The following PSMD5 variants were observed in gnomAD, a reference collection of about 807,000 sequenced individuals.
The protein encoded by PSMD5 is proteasome 26S subunit, non-ATPase 5.
PSMD5 carries 40 observed loss-of-function variants against 52.1 expected under a neutral mutation model. The observed-to-expected ratio is 0.77, with a 90% CI of 0.60 to 1.00. The LOEUF (loss-of-function observed/expected upper bound fraction) is 1.00. Among genes scored for constraint, PSMD5 ranks in the 50% least tolerant of loss-of-function variants. PSMD5 has a pLI of 0.00. For synonymous variants in PSMD5, 211 were observed against 226.6 expected, an observed-to-expected ratio of 0.93 and a Z score of 0.62; for missense variants, 575 against 605.2, an observed-to-expected ratio of 0.95 and a Z score of 0.52.
At chr9:120,833,194 G>C (rs531964919) in intron 2 of PSMD5, 118 bp downstream of exon 2, 38 of 1,188,776 alleles carry the variant, frequency 3.2e-5, no homozygotes, top group African/African-American at 1.1e-4. Flanking sequence ...CAGAGGAGAG[G>C]GGGAGAAGGA....
At chr9:120,818,314 T>C (rs1411266643) in intron 9 of PSMD5, 151 bp from the exon 10 acceptor site, 2 of 787,866 alleles carry the variant, frequency 2.5e-6, no homozygotes, top group African/African-American at 3.5e-5. Flanking sequence ...TCTAACTTAA[T>C]AAAATAATCT....
intron 6 of PSMD5, 26 bp from the exon 7 acceptor site, chr9:120,824,711 T>C (rs1588067701): frequency 6.4e-7 from 1 of 1,558,248 alleles, no homozygotes; most frequent in East Asian, 2.2e-5. Flanking sequence ...AAAATATATT[T>C]TAATAGGGGA....
chr9:120,830,759 G>T (rs1348472895), intron 4 of PSMD5, among the ~76,000 whole-genome samples: 3 of 152,140 alleles, frequency 2.0e-5, no homozygotes, highest in Non-Finnish European at 1.5e-5. Flanking sequence ...GATAATATAT[G>T]TGAGTATTTT....
At chr9:120,834,663 A>C (rs1325185630) in intron 1 of PSMD5, among the ~76,000 whole-genome samples, 3 of 152,246 alleles carry the variant, frequency 2.0e-5, no homozygotes, top group Admixed American at 6.5e-5. Context: ...CACAGAAGCC[A>C]GATTCTAACA....
At chr9:120,832,761 T>C (rs2045170368) in intron 2 of PSMD5, among the ~76,000 whole-genome samples, 1 of 152,238 alleles carries the variant, frequency 6.6e-6, no homozygotes, top group African/African-American at 2.4e-5. Context: ...AGTAACTGTT[T>C]AGCTCCTAAC....
intron 1 of PSMD5, among the ~76,000 whole-genome samples, chr9:120,837,536 A>G (rs764637780): frequency 2.6e-5 from 4 of 152,188 alleles, no homozygotes; most frequent in Non-Finnish European, 4.4e-5. Flanking sequence ...GTGTCATATT[A>G]AAGAAGTCTG....
chr9:120,837,927 T>C (rs2045209161), intron 1 of PSMD5, among the ~76,000 whole-genome samples: 1 of 152,158 alleles, frequency 6.6e-6, no homozygotes, highest in Non-Finnish European at 1.5e-5. Flanking sequence ...CACTCAACAA[T>C]AAAAAGGAAT....
chr9:120,823,656 T>G (rs545426826), intron 7 of PSMD5, among the ~76,000 whole-genome samples: 64 of 151,966 alleles, frequency 4.2e-4, no homozygotes, highest in African/African-American at 1.4e-3. Flanking sequence ...GGACTACAGT[T>G]GTGCAGTACC....
At position 120,816,332 on chromosome 9, in the gene PSMD5, T is replaced by C. The variant is rs1372280860; in HGVS notation, c.*1574A>G. 6.6e-6 allele frequency: 1 copy of C among 152,214 alleles called. No individual in the cohort carries two copies. The highest frequency in any genetic ancestry group is 1.5e-5 in the Non-Finnish European group (1 of 68,046). The allele number at this position is 152,214 out of a possible 1,614,324, so 9.4% of individuals were successfully genotyped here. Reference sequence around the variant, plus strand: ...GTACAACTTATGAACATATGTAATATACTGAACTGTACACTTAAAATAGTT... The same window carrying C: ...GTACAACTTATGAACATATGTAATACACTGAACTGTACACTTAAAATAGTT... On this transcript the variant is annotated 3_prime_UTR_variant, in exon 10 of 10. Coordinates refer to ENST00000210313, the MANE Select transcript of PSMD5 (RefSeq NM_005047.4).
rs536264157 is a variant in PSMD5, at chr9:120,842,575, C to T, written c.173+162G>A. ...ACTCTCAGAGGCTGAACCTGAACCC[C>T]ATCTCCTGCCTCTGAACCCAGGATC... On this transcript the variant is annotated intron_variant, in intron 1 of 9. Transcript: ENST00000210313. The T allele has an allele frequency of 1.2e-4, 101 of 859,210 alleles. 1 individual carries two copies. The highest frequency in any genetic ancestry group is 8.8e-6 in the Non-Finnish European group (5 of 568,226). The allele number at this position is 859,210 out of a possible 1,614,324, so 53.2% of individuals were successfully genotyped here.
At chr9:120,825,791 T>C (rs549500343) in intron 6 of PSMD5, among the ~76,000 whole-genome samples, 1 of 152,202 alleles carries the variant, frequency 6.6e-6, no homozygotes, top group Non-Finnish European at 1.5e-5. Flanking sequence ...ATTGAATTTA[T>C]TTATTCATTC....
At chr9:120,834,302 G>T (rs551744966) in intron 1 of PSMD5, among the ~76,000 whole-genome samples, 72 of 151,978 alleles carry the variant, frequency 4.7e-4, no homozygotes, top group Admixed American at 1.0e-3. Context: ...TAGTCTTAAG[G>T]AGCTCAATAC....
chr9:120,835,229 C>T (rs933965018), intron 1 of PSMD5, among the ~76,000 whole-genome samples: 2 of 152,066 alleles, frequency 1.3e-5, no homozygotes, highest in Admixed American at 6.5e-5. Flanking sequence ...CAAATGTCCA[C>T]CAAGTGATGA....
Position 120,821,481 on chromosome 9 carries a change from T to G in PSMD5, c.1007-17A>C. 6.7e-7 allele frequency: 1 copy of G among 1,499,918 alleles called. No individual in the cohort carries two copies. The highest frequency in any genetic ancestry group is 9.1e-7 in the Non-Finnish European group (1 of 1,100,958). 92.9% of individuals were successfully genotyped at this position (1,499,918 alleles called of 1,614,324 possible). Reference sequence around the variant, plus strand: ...AGCGAGTTCCTTTGAAGGATAACAGTGAGATTCTTCTTTATTATGGTAAAA... The same window carrying G: ...AGCGAGTTCCTTTGAAGGATAACAGGGAGATTCTTCTTTATTATGGTAAAA... On this transcript the variant is annotated splice_polypyrimidine_tract_variant and intron_variant, in intron 7 of 9. Transcript: ENST00000210313.
chr9:120,831,387 C>G lies in PSMD5; in HGVS notation c.505G>C (p.Asp169His). 1 of 1,612,910 alleles carries G rather than the reference C, an allele frequency of 6.2e-7. No homozygotes were observed. The highest frequency in any genetic ancestry group is 8.5e-7 in the Non-Finnish European group (1 of 1,179,616). Residue 169 changes from aspartate to histidine, a missense_variant, in exon 4 of 10, where the codon GAT becomes CAT. Physicochemically the swap from Asp to His is moderately conservative, Grantham distance 81. Coordinates refer to ENST00000210313, the MANE Select transcript of PSMD5 (RefSeq NM_005047.4). The part of the protein sequence containing the change: ...LEALFESNLL[D>H]DLKSVMKTND... ...GTTTTCATTACACTTTTCAAATCAT[C>G]CAGCAGATTGCTTTCAAATAAAGCC... is the stretch of plus-strand genomic sequence containing the variant.
At chr9:120,838,310 G>A (rs1004599014) in intron 1 of PSMD5, among the ~76,000 whole-genome samples, 2 of 152,178 alleles carry the variant, frequency 1.3e-5, no homozygotes, top group African/African-American at 2.4e-5. Context: ...GTAGTGGTAC[G>A]TTAAACTGCA....
intron 5 of PSMD5, among the ~76,000 whole-genome samples, chr9:120,828,322 T>G (rs986079373): frequency 6.6e-6 from 1 of 151,934 alleles, no homozygotes; most frequent in South Asian, 2.1e-4. Flanking sequence ...TTAGTTACTG[T>G]TCTGAGAGAT....
In PSMD5 at chr9:120,821,407, A is replaced by G. The variant is rs1448584152; in HGVS notation, c.1064T>C (p.Val355Ala). The G allele has an allele frequency of 1.2e-6, 2 of 1,609,756 alleles. No individual in the cohort carries two copies. Among genetic ancestry groups the G allele is most frequent in the African/African-American group, 1.3e-5 (1 of 74,752 alleles). ...RIGHQSKNAP[V>A]ELKIRCLDAI... The stretch of plus-strand genomic sequence containing the variant: ...ATCCAAACATCTAATTTTTAGCTCC[A>G]CTGGGGCATTCTTTGATTGATGTCC... The change falls in exon 8 of 10, where the codon GTG becomes GCG. Residue 355 changes from valine (V) to alanine (A), a missense_variant. By Grantham distance (64) the Val-to-Ala change is moderately conservative. Coordinates refer to ENST00000210313, the MANE Select transcript of PSMD5 (RefSeq NM_005047.4).
chr9:120,831,627 T>C, intron 3 of PSMD5, 168 bp from the exon 4 acceptor site: 2 of 1,070,642 alleles, frequency 1.9e-6, no homozygotes, highest in South Asian at 1.7e-5. Flanking sequence ...ATGGATACTG[T>C]AGATATGTAT....
Sources: gnomAD v4.1 joint callset for allele counts (sites outside exome capture counted in the v4.1 genomes callset) on GRCh38, gnomAD v4.1.1 for gene constraint, MANE v1.5 for transcripts, NCBI Gene and HGNC (gene_info 2026-07-23, HGNC 2026-07-21) for gene names.